DDX50: variants seen among roughly 807,000 people sequenced by gnomAD.
DDX50 encodes DExD-box helicase 50.
In DDX50, 56 loss-of-function variants were observed where a neutral mutation model predicts 94.8. That is an observed-to-expected ratio of 0.59 (90% CI 0.48 to 0.74). The LOEUF is 0.74. DDX50 is among the 30% of genes least tolerant of loss of function. The probability of loss-of-function intolerance (pLI) is 0.00; values close to 1 mark genes in which losing one functional copy is unlikely to be tolerated. For missense variants in DDX50, 713 were observed against 881.2 expected (o/e 0.81, Z 2.42); for synonymous variants, 264 against 295.4 (o/e 0.89, Z 1.09).
chr10:68,929,356 C>CT (rs1842185776), intron 8 of DDX50, among the ~76,000 whole-genome samples: 1 of 140,278 alleles, frequency 7.1e-6, no homozygotes, highest in Non-Finnish European at 1.5e-5. Context: ...TCCTTCTTTC[C>CT]TTCTTTCCTT....
rs1841457834 is a variant in DDX50, at chr10:68,906,783, G to A, written c.160G>A (p.Asp54Asn). 1.2e-6 allele frequency: 2 copies of A among 1,613,366 alleles called. No individual in the cohort carries two copies. The highest frequency in any genetic ancestry group is 3.3e-5 in the Admixed American group (2 of 59,792). The change falls in exon 2 of 15, where the codon GAT becomes AAT. Residue 54 changes from aspartate to asparagine, a missense_variant. Physicochemically the swap from Asp to Asn is conservative, Grantham distance 23. This residue lies in a region of DDX50 where 285 missense variants were observed against 278.9 expected (regional missense o/e 1.02). Coordinates refer to ENST00000373585, the MANE Select transcript of DDX50 (RefSeq NM_024045.2). Reference sequence around the variant, plus strand: ...AGAAACAAGAGAAAATGGTGTTACAGATGACCTGGATGCTCCCAAGGCCAA... The same window carrying A: ...AGAAACAAGAGAAAATGGTGTTACAAATGACCTGGATGCTCCCAAGGCCAA... Reference protein sequence around the residue: ...KSETRENGVTDDLDAPKAKKS... With the variant: ...KSETRENGVTNDLDAPKAKKS...
chr10:68,905,699 G>A (rs1201195495), intron 1 of DDX50, among the ~76,000 whole-genome samples: 3 of 152,240 alleles, frequency 2.0e-5, no homozygotes, highest in Non-Finnish European at 2.9e-5. Context: ...ATCACCTGAG[G>A]TCAGGAGTTT....
chr10:68,933,099 A>C (rs1842315907), intron 8 of DDX50, among the ~76,000 whole-genome samples: 1 of 142,936 alleles, frequency 7.0e-6, no homozygotes, highest in African/African-American at 2.7e-5. Flanking sequence ...ATGAAGCTTC[A>C]CTCTTGTCCC....
At chr10:68,929,012 G>A (rs1273110005) in intron 8 of DDX50, among the ~76,000 whole-genome samples, 2 of 151,960 alleles carry the variant, frequency 1.3e-5, no homozygotes, top group South Asian at 2.1e-4. Flanking sequence ...GCAGTGGCGC[G>A]ATCTCGGCTC....
At chr10:68,929,296 T>TTCCTTC (rs1354099619) in intron 8 of DDX50, among the ~76,000 whole-genome samples, 2,608 of 65,780 alleles carry the variant, frequency 0.04, 34 homozygotes, top group Non-Finnish European at 0.043. Flanking sequence ...TTCCTTCCTC[T>TTCCTTC]CTCTCTCTCT....
chr10:68,911,332 C>A, intron 4 of DDX50, 86 bp downstream of exon 4: 2 of 1,353,742 alleles, frequency 1.5e-6, no homozygotes, highest in South Asian at 2.1e-5. Context: ...TCTAGTACCC[C>A]CAAAATAGAA....
At position 68,943,389 on chromosome 10, in the gene DDX50, C is replaced by G. The variant is rs902835062; in HGVS notation, c.1935+132C>G. 26 of 739,546 alleles carry G rather than the reference C, an allele frequency of 3.5e-5. No individual in the cohort carries two copies. In the African/African-American group the frequency reaches 4.0e-4, roughly 11 times the overall value. 45.8% of individuals were successfully genotyped at this position (739,546 alleles called of 1,614,324 possible). On this transcript the variant is annotated intron_variant, in intron 14 of 14. Coordinates refer to ENST00000373585, the MANE Select transcript of DDX50 (RefSeq NM_024045.2). ...TGAGGAATTCCTTAATATAAAATAA[C>G]CAGTCTGTCTCAAACTTAAATTTAT...
Position 68,911,171 on chromosome 10 carries a change from A to T in DDX50, c.564A>T (p.Thr188=), listed in dbSNP as rs762522177. Residue 188 remains threonine (T), a synonymous_variant, in exon 4 of 15, where the codon ACA becomes ACT. Coordinates refer to ENST00000373585, the MANE Select transcript of DDX50 (RefSeq NM_024045.2). ...AAGCACGGACAGGAACAGGAAAGAC[A>T]TTCTCTTTTGCCATCCCCTTAATTG... The part of the protein sequence containing the change: ...IAQARTGTGK[T]FSFAIPLIER... 1.9e-6 allele frequency: 3 copies of T among 1,612,838 alleles called. No homozygotes were observed. The highest frequency in any genetic ancestry group is 1.3e-5 in the African/African-American group (1 of 74,902).
rs745869474 is a variant in DDX50 at position 68,901,474 on chromosome 10, G to T, written c.87+3G>T. Reference sequence around the variant, plus strand: ...GCCAGAAGAAGGAGAGGCAAAAGGTGCGCTGAGCATGGGCCGCGCCTCCTT... The same window carrying T: ...GCCAGAAGAAGGAGAGGCAAAAGGTTCGCTGAGCATGGGCCGCGCCTCCTT... On this transcript the variant is annotated splice_donor_region_variant and intron_variant, in intron 1 of 14. Transcript: ENST00000373585. The T allele has an allele frequency of 1.9e-6, 3 of 1,564,994 alleles. No individual in the cohort carries two copies. Among genetic ancestry groups the T allele is most frequent in the Non-Finnish European group, 2.6e-6 (3 of 1,155,386 alleles).
chr10:68,918,647 G>A (rs768543952), intron 7 of DDX50, among the ~76,000 whole-genome samples: 6 of 150,710 alleles, frequency 4.0e-5, no homozygotes, highest in Admixed American at 6.6e-5. Context: ...GGCTGGTCTC[G>A]AACTCCTGAC....
intron 1 of DDX50, among the ~76,000 whole-genome samples, chr10:68,905,522 G>A (rs926992215): frequency 6.6e-6 from 1 of 152,222 alleles, no homozygotes; most frequent in Non-Finnish European, 1.5e-5. Flanking sequence ...GGCAGTGCTA[G>A]ATTCAGTTTC....
chr10:68,906,998 A>G lies in DDX50; in HGVS notation c.375A>G (p.Lys125=). The G allele has an allele frequency of 6.3e-7, 1 of 1,577,664 alleles. No homozygotes were observed. The highest frequency in any genetic ancestry group is 8.5e-7 in the Non-Finnish European group (1 of 1,171,516). Residue 125 remains lysine (K), a synonymous_variant, in exon 2 of 15, where the codon AAA becomes AAG. Transcript: ENST00000373585. ...DTSTHKSSDN[K]LEETLTREQK... The stretch of plus-strand genomic sequence containing the variant: ...CTACTCATAAATCAAGTGATAATAA[A>G]CTAGAGGAGGTATGGAAGCTTTTTA...
At chr10:68,925,028 A>C (rs186483942) in intron 8 of DDX50, among the ~76,000 whole-genome samples, 67 of 151,534 alleles carry the variant, frequency 4.4e-4, no homozygotes, top group Admixed American at 4.3e-3. Flanking sequence ...TGGGTCCCTG[A>C]ATCACCTGTT....
intron 8 of DDX50, among the ~76,000 whole-genome samples, chr10:68,929,063 G>A (rs565542072): frequency 3.3e-5 from 5 of 151,006 alleles, no homozygotes; most frequent in African/African-American, 4.9e-5. Flanking sequence ...ATTCTCCTGC[G>A]TCAGCCTCCC....
chr10:68,943,216 G>A lies in DDX50; in HGVS notation c.1894G>A (p.Val632Ile), dbSNP rs1237312898. Residue 632 changes from valine to isoleucine, a missense_variant, in exon 14 of 15, where the codon GTT (valine) becomes ATT (isoleucine). Transcript: ENST00000373585. The stretch of plus-strand genomic sequence containing the variant: ...TTTTGCTTTGTTTTGCTTTTAGGGT[G>A]TTTGCTTTGATGTTCCTACAACTGA... ...RMCLLKGNMG[V>I]CFDVPTTESE... is the part of the protein sequence containing the mutation. 12 of 1,607,018 alleles carry A rather than the reference G, an allele frequency of 7.5e-6. No individual in the cohort carries two copies. The highest frequency in any genetic ancestry group is 1.0e-5 in the Non-Finnish European group (12 of 1,178,092).
chr10:68,913,687 T>A, intron 6 of DDX50, 111 bp downstream of exon 6: 1 of 1,014,736 alleles, frequency 9.9e-7, no homozygotes. Flanking sequence ...CTAACAAAAC[T>A]AAAATAATTT....
At chr10:68,910,142 G>T (rs948037203) in intron 2 of DDX50, among the ~76,000 whole-genome samples, 165 bp from the exon 3 acceptor site, 8 of 151,738 alleles carry the variant, frequency 5.3e-5, no homozygotes, top group African/African-American at 1.9e-4. Context: ...AGCTGTGATG[G>T]TGCCACTGCA....
intron 8 of DDX50, among the ~76,000 whole-genome samples, chr10:68,924,552 G>C (rs1842028299): frequency 6.6e-6 from 1 of 152,066 alleles, no homozygotes; most frequent in Non-Finnish European, 1.5e-5. Flanking sequence ...TTGAACCTTA[G>C]ATGGGAAGGC....
At chr10:68,904,101 G>A (rs1189659488) in intron 1 of DDX50, among the ~76,000 whole-genome samples, 4 of 150,732 alleles carry the variant, frequency 2.7e-5, no homozygotes, top group Admixed American at 2.0e-4. Flanking sequence ...CCAAGATCAC[G>A]TCATTGCACA....
Sources: allele counts gnomAD v4.1 joint callset (sites outside exome capture counted in the v4.1 genomes callset), GRCh38; gene constraint gnomAD v4.1.1; regional missense constraint gnomAD v4.1.1; transcripts MANE v1.5; gene names NCBI Gene and HGNC (gene_info 2026-07-23, HGNC 2026-07-21).